ATP8B3: variants seen among roughly 807,000 people sequenced by gnomAD.
ATP8B3 encodes the protein ATPase phospholipid transporting 8B3, also known as phospholipid-transporting ATPase IK.
A neutral mutation model predicts 140.9 loss-of-function variants in ATP8B3; 141 were observed. That is an observed-to-expected ratio of 1.00 (90% CI 0.87 to 1.15). ATP8B3 has a LOEUF of 1.15. ATP8B3 is among the 50% of genes most tolerant of loss of function. The pLI is 0.00. For synonymous variants in ATP8B3, 765 were observed against 714.6 expected, an observed-to-expected ratio of 1.07 and a Z score of -1.13; for missense variants, 1,874 against 1,740.6, an observed-to-expected ratio of 1.08 and a Z score of -1.36.
Position 1,782,765 on chromosome 19 carries a change from T to G in ATP8B3, c.*263A>C, listed in dbSNP as rs778346326. 28 of 496,984 alleles carry G rather than the reference T, an allele frequency of 5.6e-5. No individual in the cohort carries two copies. The highest frequency in any genetic ancestry group is 1.1e-3 in the Middle Eastern group (2 of 1,812). 30.8% of individuals were successfully genotyped at this position (496,984 alleles called of 1,614,324 possible). On this transcript the variant is annotated 3_prime_UTR_variant, in exon 29 of 29. Transcript: ENST00000310127. ...TGACCTCTCCTTGGTCAACAGCAAC[T>G]TCTCAGGAGAAGGTGGCCTCTGCTT... is the stretch of plus-strand genomic sequence containing the variant.
At position 1,800,194 on chromosome 19, in the gene ATP8B3, T is replaced by C; in HGVS notation, c.1344-39A>G. On this transcript the variant is annotated intron_variant, in intron 13 of 28. Transcript: ENST00000310127. The surrounding 1 kb of genome is among the most constrained non-coding windows in gnomAD (Gnocchi z 4.4). ...CAGGGTCACGGTCAGCCCCGCCTGC[T>C]GTGTGCCATCCCCATGCCTCCCCGT... The C allele has an allele frequency of 1.3e-6, 2 of 1,586,660 alleles. No homozygotes were observed. Among genetic ancestry groups the C allele is most frequent in the Non-Finnish European group, 1.7e-6 (2 of 1,165,716 alleles).
chr19:1,806,140 C>T lies in ATP8B3; in HGVS notation c.707G>A (p.Cys236Tyr), dbSNP rs1301930902. 1.2e-6 allele frequency: 2 copies of T among 1,600,678 alleles called. No homozygotes were observed. Among genetic ancestry groups the T allele is most frequent in the Non-Finnish European group, 1.7e-6 (2 of 1,174,278 alleles). The change falls in exon 8 of 29, where the codon TGC becomes TAC. Residue 236 changes from cysteine (C) to tyrosine (Y), a missense_variant. Transcript: ENST00000310127. This position sits in a 1 kb window ranked among gnomAD's most constrained non-coding sequence, Gnocchi z 5.6. ...GCGGAGACAGACCACATCCCCCACGCACAGATCCTGCCATTTCTTCTGCTT... is the reference window on the plus strand; with the variant it reads ...GCGGAGACAGACCACATCCCCCACGTACAGATCCTGCCATTTCTTCTGCTT... The part of the protein sequence containing the change: ...SFKQKKWQDL[C>Y]VGDVVCLRKD...
intron 28 of ATP8B3, 66 bp downstream of exon 28, chr19:1,784,753 G>A: frequency 1.3e-6 from 2 of 1,512,896 alleles, no homozygotes; most frequent in South Asian, 1.3e-5. Flanking sequence ...CCTACGCCCT[G>A]CACGGCTCCC....
intron 10 of ATP8B3, among the ~76,000 whole-genome samples, chr19:1,804,375 C>T (rs995478382): frequency 1.2e-4 from 18 of 152,046 alleles, no homozygotes; most frequent in South Asian, 8.3e-4. Context: ...TTTGGGAAGC[C>T]GAGGCAGGTG....
intron 11 of ATP8B3, 22 bp from the exon 12 acceptor site, chr19:1,802,066 T>TCCGGGGGGGCCC: frequency 6.6e-7 from 1 of 1,523,946 alleles, no homozygotes; most frequent in Non-Finnish European, 8.8e-7. Flanking sequence ...TATCCATCTA[T>TCCGGGGGGGCCC]CCACCCACCC....
chr19:1,805,763 TG>T lies in ATP8B3; in HGVS notation c.821+124del, dbSNP rs1452659778. The T allele has an allele frequency of 3.5e-6, 4 of 1,156,848 alleles. No individual in the cohort carries two copies. Among genetic ancestry groups the T allele is most frequent in the South Asian group, 1.3e-5 (1 of 74,366 alleles). 71.7% of individuals were successfully genotyped at this position (1,156,848 alleles called of 1,614,324 possible). ...GCAGCACCCACGCCCCAGACACTCA[TG>T]GGGTGAGTGACCAAAGTCTCTGAGC... On this transcript the variant is annotated intron_variant, in intron 9 of 28. Transcript: ENST00000310127. This position sits in a 1 kb window ranked among gnomAD's most constrained non-coding sequence, Gnocchi z 5.2.
At chr19:1,792,731 G>A (rs932439594) in intron 18 of ATP8B3, among the ~76,000 whole-genome samples, 4 of 151,960 alleles carry the variant, frequency 2.6e-5, no homozygotes, top group African/African-American at 9.7e-5. Flanking sequence ...AACCAATACG[G>A]TGAAACCGCG....
At chr19:1,787,078 G>A in intron 25 of ATP8B3, 25 bp downstream of exon 25, 1 of 1,556,826 alleles carries the variant, frequency 6.4e-7, no homozygotes, top group Non-Finnish European at 8.7e-7. Flanking sequence ...GACCTGGAAG[G>A]AAGACCCGGC....
Position 1,805,264 on chromosome 19 carries a change from T to C in ATP8B3, c.904+110A>G, listed in dbSNP as rs1442531321. On this transcript the variant is annotated intron_variant, in intron 10 of 28. Coordinates refer to ENST00000310127, the MANE Select transcript of ATP8B3 (RefSeq NM_138813.4). This position sits in a 1 kb window ranked among gnomAD's most constrained non-coding sequence, Gnocchi z 5.2. ...TGCTGGGATTCCAGGTGTGAGCCAC[T>C]GGGCCTGGCCAGCACCTTGTTTTAA... 1 of 1,107,380 alleles carries C rather than the reference T, an allele frequency of 9.0e-7. No individual in the cohort carries two copies. Among genetic ancestry groups the C allele is most frequent in the Admixed American group, 2.0e-5 (1 of 50,106 alleles). The allele number at this position is 1,107,380 out of a possible 1,614,324, so 68.6% of individuals were successfully genotyped here.
In ATP8B3 at chr19:1,811,802, T is replaced by C; in HGVS notation, c.-66A>G. ...TTTAGGCTGTGGGACGGGGGAGAGG[T>C]GGGGGAGACCCCCGTGGGGGCAGAC... On this transcript the variant is annotated 5_prime_UTR_variant, in exon 2 of 29. Transcript: ENST00000310127. 6.7e-7 allele frequency: 1 copy of C among 1,482,578 alleles called. No homozygotes were observed. The highest frequency in any genetic ancestry group is 1.3e-5 in the South Asian group (1 of 74,220). The allele number at this position is 1,482,578 out of a possible 1,614,324, so 91.8% of individuals were successfully genotyped here. A position where few individuals can be genotyped will look rare whatever the true frequency, so the allele number is the denominator to read the frequency against.
chr19:1,784,581 C>T (rs534392203), intron 28 of ATP8B3, among the ~76,000 whole-genome samples: 6 of 152,288 alleles, frequency 3.9e-5, no homozygotes, highest in East Asian at 3.9e-4. Context: ...GAATCCAGGG[C>T]GGCGTTTGGG....
chr19:1,802,077 AC>A (rs2145198489), intron 11 of ATP8B3, 33 bp from the exon 12 acceptor site: 1 of 928,700 alleles, frequency 1.1e-6, no homozygotes. Flanking sequence ...CCACCCACCC[AC>A]CCACCCATCC....
intron 25 of ATP8B3, 94 bp downstream of exon 25, chr19:1,787,009 C>G (rs2068326981): frequency 2.4e-6 from 3 of 1,251,926 alleles, no homozygotes; most frequent in South Asian, 2.7e-5. Context: ...GCCTGAAGGT[C>G]TCCCAGGCTC....
rs182838158 is a variant in ATP8B3 at position 1,794,979 on chromosome 19, G to A, written c.2055+896C>T. On this transcript the variant is annotated intron_variant, in intron 18 of 28. Coordinates refer to ENST00000310127, the MANE Select transcript of ATP8B3 (RefSeq NM_138813.4). The surrounding 1 kb of genome is among the most constrained non-coding windows in gnomAD (Gnocchi z 4.8). ...AAATGAGAAAAATACACCCTTGGCC[G>A]GGCGCGGTGGCCTACGCCTGTAATC... Among the ~76,000 whole-genome samples, 110 of 152,328 alleles carry A rather than the reference G, an allele frequency of 7.2e-4. 1 individual carries two copies. The highest frequency in any genetic ancestry group is 3.4e-3 in the Middle Eastern group (1 of 294).
intron 21 of ATP8B3, among the ~76,000 whole-genome samples, chr19:1,790,287 C>T (rs2068455423): frequency 5.1e-5 from 1 of 19,520 alleles, no homozygotes; most frequent in African/African-American, 2.9e-4. Flanking sequence ...CCCCCCTCCC[C>T]TCCCTCTCCC....
chr19:1,808,590 C>T (rs951595010), intron 4 of ATP8B3, among the ~76,000 whole-genome samples: 1 of 148,866 alleles, frequency 6.7e-6, no homozygotes, highest in African/African-American at 2.6e-5. Context: ...CTGCTGAATG[C>T]AAGGCCTCAG....
In ATP8B3 at chr19:1,784,554, C is replaced by A. The variant is rs368262453; in HGVS notation, c.3660+265G>T. Among the ~76,000 whole-genome samples the A allele has an allele frequency of 7.4e-4, 113 of 152,276 alleles. 3 individuals are homozygous for A. The South Asian group carries it at 0.022, about 29-fold the overall frequency. On this transcript the variant is annotated intron_variant, in intron 28 of 28. Coordinates refer to ENST00000310127, the MANE Select transcript of ATP8B3 (RefSeq NM_138813.4). ...ATAAATAAATAAAACCTTAAGAGCC[C>A]GATGGCATCAGCACTGGAATCCAGG...
intron 20 of ATP8B3, among the ~76,000 whole-genome samples, chr19:1,791,077 C>T (rs555476850): frequency 4.6e-5 from 7 of 152,364 alleles, no homozygotes; most frequent in African/African-American, 1.7e-4. Flanking sequence ...AGGCCAGGAT[C>T]AGCAGGCACA....
At chr19:1,787,326 G>C (rs1055941999) in intron 24 of ATP8B3, 140 bp from the exon 25 acceptor site, 2 of 642,502 alleles carry the variant, frequency 3.1e-6, no homozygotes, top group Non-Finnish European at 5.5e-6. Context: ...GACTGGGGTG[G>C]GGTGAAGTGC....
Sources: gnomAD v4.1 joint callset for allele counts (sites outside exome capture counted in the v4.1 genomes callset) on GRCh38, gnomAD v4.1.1 for gene constraint, Gnocchi (gnomAD v3.1) non-coding constraint, MANE v1.5 for transcripts, NCBI Gene and HGNC (gene_info 2026-07-23, HGNC 2026-07-21) for gene names.